OCA2: variants seen among roughly 807,000 people sequenced by gnomAD.
OCA2 encodes OCA2 melanosomal transmembrane protein.
A neutral mutation model predicts 100.2 loss-of-function variants in OCA2; 77 were observed. The observed-to-expected ratio is 0.77, with a 90% CI of 0.64 to 0.93. OCA2 has a LOEUF of 0.93. Ranked by LOEUF, OCA2 falls within the 40% of genes least tolerant of loss-of-function variation. OCA2 has a pLI of 0.00. For synonymous variants in OCA2, 432 were observed against 439.2 expected (o/e 0.98, Z 0.21); for missense variants, 1,062 against 1,089.1 (o/e 0.98, Z 0.35).
At chr15:28,017,563 A>G (rs950990560) in intron 7 of OCA2, among the ~76,000 whole-genome samples, 8 of 152,226 alleles carry the variant, frequency 5.3e-5, no homozygotes, top group Non-Finnish European at 1.0e-4. Context: ...CAGCCGGTTC[A>G]GAACATTGGT....
intron 19 of OCA2, among the ~76,000 whole-genome samples, chr15:27,900,829 C>G (rs2037899390): frequency 6.6e-6 from 1 of 152,214 alleles, no homozygotes; most frequent in Non-Finnish European, 1.5e-5. Flanking sequence ...CACCTTGGCA[C>G]TCGAGTACAG....
chr15:27,810,602 G>A (rs1300328780), intron 23 of OCA2, among the ~76,000 whole-genome samples: 1 of 111,446 alleles, frequency 9.0e-6, no homozygotes, highest in Non-Finnish European at 2.1e-5. Flanking sequence ...CAGAGTGGGA[G>A]AAAATATTTG....
At chr15:28,003,204 C>T (rs182445010) in intron 9 of OCA2, among the ~76,000 whole-genome samples, 1 of 152,382 alleles carries the variant, frequency 6.6e-6, no homozygotes, top group Non-Finnish European at 1.5e-5. Context: ...GAAAAGCTTT[C>T]TGCTCAGAAG....
intron 15 of OCA2, 143 bp downstream of exon 15, chr15:27,966,547 C>G (rs563868567): frequency 1.2e-6 from 1 of 851,096 alleles, no homozygotes; most frequent in Non-Finnish European, 2.0e-6. Flanking sequence ...ACAGTGTATA[C>G]TAGAAGGTGG....
In OCA2 at chr15:28,058,522, G is replaced by A. The variant is rs369182792; in HGVS notation, c.227+23126C>T. 4.5e-4 allele frequency among the ~76,000 whole-genome samples: 61 copies of A among 134,808 alleles called. No homozygotes were observed. The East Asian group carries it at 7.3e-3, about 16-fold the overall frequency. The allele number at this position is 134,808 out of a possible 152,430, so 88.4% of individuals were successfully genotyped here. On this transcript the variant is annotated intron_variant, in intron 2 of 23. Coordinates refer to ENST00000354638, the MANE Select transcript of OCA2 (RefSeq NM_000275.3). ...CCCACCACCCACCCTGCCACCCTGT[G>A]CCCCTCCACTGCTCATTTTCTGGAC...
chr15:27,867,168 T>C lies in OCA2; in HGVS notation c.2244+3986A>G, dbSNP rs556195687. ...TAGGTTCTGTTCACTGCAACTGTTG[T>C]TTGAAATGTTGATACCACTAGGTGC... On this transcript the variant is annotated intron_variant, in intron 21 of 23. Coordinates refer to ENST00000354638, the MANE Select transcript of OCA2 (RefSeq NM_000275.3). 2.7e-4 allele frequency among the ~76,000 whole-genome samples: 41 copies of C among 152,342 alleles called. 1 individual carries two copies. In the South Asian group the frequency reaches 8.5e-3, roughly 32 times the overall value.
chr15:27,834,796 C>T (rs1326871525), intron 23 of OCA2, among the ~76,000 whole-genome samples: 1 of 152,200 alleles, frequency 6.6e-6, no homozygotes, highest in African/African-American at 2.4e-5. Context: ...TAACTAGTGG[C>T]TCCTGTCAAG....
chr15:27,978,940 G>A (rs910325328), intron 14 of OCA2, among the ~76,000 whole-genome samples: 5 of 152,114 alleles, frequency 3.3e-5, no homozygotes, highest in African/African-American at 1.2e-4. Flanking sequence ...ACCAGCCTCG[G>A]CCTCCCAAAG....
At chr15:27,782,923 C>T (rs1050843617) in intron 23 of OCA2, among the ~76,000 whole-genome samples, 1 of 152,220 alleles carries the variant, frequency 6.6e-6, no homozygotes, top group African/African-American at 2.4e-5. Context: ...CATAATGTCA[C>T]GTGTGTGATT....
intron 19 of OCA2, among the ~76,000 whole-genome samples, chr15:27,873,442 C>G (rs796931369): frequency 6.6e-6 from 1 of 152,190 alleles, no homozygotes; most frequent in South Asian, 2.1e-4. Flanking sequence ...TTAAATAACA[C>G]TTTAAAATTG....
Position 27,951,870 on chromosome 15 carries a change from A to C in OCA2, c.1865T>G (p.Leu622Arg). 1 of 1,613,636 alleles carries C rather than the reference A, an allele frequency of 6.2e-7. No homozygotes were observed. Among genetic ancestry groups the C allele is most frequent in the Non-Finnish European group, 8.5e-7 (1 of 1,179,500 alleles). ...CAACACTGTCAGGCATTTGGCGAGCAGAATCCCGTCAGATATCCTATGCTG... is the reference window on the plus strand; with the variant it reads ...CAACACTGTCAGGCATTTGGCGAGCCGAATCCCGTCAGATATCCTATGCTG... ...QKKHRISDGI[L>R]LAKCLTVLGF... is the part of the protein sequence containing the mutation. Residue 622 changes from leucine (L) to arginine (R), a missense_variant, in exon 18 of 24, where the codon CTG becomes CGG. Coordinates refer to ENST00000354638, the MANE Select transcript of OCA2 (RefSeq NM_000275.3).
At chr15:27,922,129 G>A (rs1007882224) in intron 19 of OCA2, among the ~76,000 whole-genome samples, 1 of 152,232 alleles carries the variant, frequency 6.6e-6, no homozygotes, top group Non-Finnish European at 1.5e-5. Context: ...GGCAACTGCA[G>A]CTGCAGACCG....
chr15:27,799,926 G>C (rs547641137), intron 23 of OCA2, among the ~76,000 whole-genome samples: 1 of 152,106 alleles, frequency 6.6e-6, no homozygotes, highest in Non-Finnish European at 1.5e-5. Context: ...AGAATTATAG[G>C]AGATGAGATC....
the OCA2 span, among the ~76,000 whole-genome samples, chr15:27,738,740 C>G: frequency 7.7e-5 from 11 of 142,104 alleles, no homozygotes; most frequent in Non-Finnish European, 1.4e-4. Context: ...AAAGGCTCTA[C>G]GCCAAACGCA....
At chr15:28,054,743 G>C (rs2043634374) in intron 2 of OCA2, among the ~76,000 whole-genome samples, 2 of 149,616 alleles carry the variant, frequency 1.3e-5, no homozygotes, top group South Asian at 4.2e-4. Context: ...TTCTCATGCT[G>C]CTATAAAAAA....
chr15:27,895,978 G>T, intron 19 of OCA2: 2 of 783,418 alleles, frequency 2.6e-6, no homozygotes, highest in South Asian at 2.8e-5. Context: ...AGGTTGGCCT[G>T]ACCAATTACG....
At chr15:27,784,032 A>G (rs1041512572) in intron 23 of OCA2, among the ~76,000 whole-genome samples, 2 of 152,218 alleles carry the variant, frequency 1.3e-5, no homozygotes, top group African/African-American at 4.8e-5. Flanking sequence ...CAGGGACACA[A>G]CACCAGCCTA....
intron 23 of OCA2, among the ~76,000 whole-genome samples, chr15:27,805,743 C>T (rs2033814090): frequency 6.6e-6 from 1 of 152,226 alleles, no homozygotes; most frequent in Middle Eastern, 3.4e-3. Flanking sequence ...GCACAGTGAG[C>T]GCTGCCTGGA....
intron 14 of OCA2, among the ~76,000 whole-genome samples, chr15:27,978,857 T>C (rs956510738): frequency 1.3e-5 from 2 of 152,144 alleles, no homozygotes; most frequent in African/African-American, 4.8e-5. Flanking sequence ...GGCTAATATT[T>C]TGTACTTTTA....
Sources: gnomAD v4.1 joint callset for allele counts (sites outside exome capture counted in the v4.1 genomes callset) on GRCh38, gnomAD v4.1.1 for gene constraint, MANE v1.5 for transcripts, NCBI Gene and HGNC (gene_info 2026-07-23, HGNC 2026-07-21) for gene names.